The following GTF2A1 variants were observed in gnomAD, a reference collection of about 807,000 sequenced individuals.
The protein encoded by GTF2A1 is transcription initiation factor IIA subunit 1.
In GTF2A1, 12 loss-of-function variants were observed where a neutral mutation model predicts 54.1. That is an observed-to-expected ratio of 0.22 (90% CI 0.14 to 0.36). The LOEUF (loss-of-function observed/expected upper bound fraction) is 0.36. Among genes scored for constraint, GTF2A1 ranks in the 10% least tolerant of loss-of-function variants. The probability of loss-of-function intolerance (pLI) is 1.00; values close to 1 mark genes in which losing one functional copy is unlikely to be tolerated. For missense variants in GTF2A1, 335 were observed against 442.2 expected (o/e 0.76, Z 2.17); for synonymous variants, 145 against 152.0 (o/e 0.95, Z 0.34).
At chr14:81,184,666 A>C (rs961071570) in intron 8 of GTF2A1, among the ~76,000 whole-genome samples, 1 of 152,192 alleles carries the variant, frequency 6.6e-6, no homozygotes, top group Admixed American at 6.5e-5. Context: ...TCTATAAAGG[A>C]AACTTCATGC....
intron 8 of GTF2A1, among the ~76,000 whole-genome samples, chr14:81,180,609 T>A (rs1272024856): frequency 6.6e-6 from 1 of 151,998 alleles, no homozygotes; most frequent in Non-Finnish European, 1.5e-5. Context: ...TAAAAATTGG[T>A]TTCTTAATAA....
At chr14:81,204,329 C>A in intron 2 of GTF2A1, 1 of 669,458 alleles carries the variant, frequency 1.5e-6, no homozygotes, top group East Asian at 2.8e-5. Flanking sequence ...GATTTTGTTT[C>A]TTTTTTTTAT....
chr14:81,190,005 GGGAAAAAAAA>G (rs1892839672), intron 7 of GTF2A1, among the ~76,000 whole-genome samples: 5 of 57,844 alleles, frequency 8.6e-5, no homozygotes, highest in Non-Finnish European at 1.8e-4. Context: ...AGACTGAACA[GGGAAAAAAAA>G]AGATGGCACA....
At chr14:81,197,849 A>C (rs1893023514) in intron 4 of GTF2A1, among the ~76,000 whole-genome samples, 4 of 152,192 alleles carry the variant, frequency 2.6e-5, no homozygotes, top group African/African-American at 9.6e-5. Flanking sequence ...TACCCACATT[A>C]ACAATGCTGT....
intron 7 of GTF2A1, among the ~76,000 whole-genome samples, chr14:81,190,696 T>TA (rs896910510): frequency 1.3e-5 from 2 of 152,096 alleles, no homozygotes; most frequent in African/African-American, 4.8e-5. Flanking sequence ...ACATTAAACT[T>TA]AACAGTGAAG....
Position 81,197,396 on chromosome 14 carries a change from CA to C in GTF2A1, c.478+12del. 7.2e-7 allele frequency: 1 copy of C among 1,387,188 alleles called. No homozygotes were observed. The highest frequency in any genetic ancestry group is 1.2e-5 in the South Asian group (1 of 82,442). The allele number at this position is 1,387,188 out of a possible 1,614,324, so 85.9% of individuals were successfully genotyped here. A position where few individuals can be genotyped will look rare whatever the true frequency, so the allele number is the denominator to read the frequency against. Reference sequence around the variant, plus strand: ...GAATTACATTTTAAAATGGTTCCATCATTCCTAATTACCTGAATTTGTTAAT... The same window carrying C: ...GAATTACATTTTAAAATGGTTCCATCTTCCTAATTACCTGAATTTGTTAAT... On this transcript the variant is annotated intron_variant, in intron 5 of 8. Transcript: ENST00000553612.
At chr14:81,211,875 T>TATATATATATATA (rs1419902730) in intron 2 of GTF2A1, among the ~76,000 whole-genome samples, 1,291 of 68,318 alleles carry the variant, frequency 0.019, 67 homozygotes, top group Non-Finnish European at 0.025. Context: ...ATCAAGTACT[T>TATATATATATATA]TATATATATA....
intron 2 of GTF2A1, among the ~76,000 whole-genome samples, chr14:81,206,368 T>G (rs945023763): frequency 1.3e-5 from 2 of 152,174 alleles, no homozygotes. Flanking sequence ...ACAGTAGTAA[T>G]GTAGTGACTC....
rs931722519 is a variant in GTF2A1, at chr14:81,188,607, T to TA, written c.934-2988dup. On this transcript the variant is annotated intron_variant, in intron 7 of 8. Coordinates refer to ENST00000553612, the MANE Select transcript of GTF2A1 (RefSeq NM_015859.4). ...TAACACAGTGAAACCCCGTCTCTAC[T>TA]AAAAAAAAAAATACAAAAAATTAGC... Among the ~76,000 whole-genome samples, 837 of 144,636 alleles carry TA rather than the reference T, an allele frequency of 5.8e-3. 4 individuals are homozygous for TA. Among genetic ancestry groups the TA allele is most frequent in the African/African-American group, 0.019 (735 of 39,572 alleles). The allele number at this position is 144,636 out of a possible 152,430, so 94.9% of individuals were successfully genotyped here.
intron 7 of GTF2A1, among the ~76,000 whole-genome samples, chr14:81,189,912 T>C (rs1397322443): frequency 1.3e-5 from 2 of 151,888 alleles, no homozygotes; most frequent in African/African-American, 2.4e-5. Flanking sequence ...CAGAAAAGAA[T>C]AGAATGGGAA....
In GTF2A1 at chr14:81,176,926, A is replaced by C. The variant is rs890699737; in HGVS notation, c.*3297T>G. On this transcript the variant is annotated 3_prime_UTR_variant, in exon 9 of 9. Coordinates refer to ENST00000553612, the MANE Select transcript of GTF2A1 (RefSeq NM_015859.4). ...TCATAAAGAGAACTCCCAAGAGGAA[A>C]TTATGTCTGTTTTCCTATACAAGGG... 3 of 152,086 alleles carry C rather than the reference A, an allele frequency of 2.0e-5. No homozygotes were observed. Among genetic ancestry groups the C allele is most frequent in the Admixed American group, 2.0e-4 (3 of 15,264 alleles). 9.4% of individuals were successfully genotyped at this position (152,086 alleles called of 1,614,324 possible).
chr14:81,203,798 C>T (rs1893166278), intron 3 of GTF2A1, 102 bp downstream of exon 3: 6 of 957,456 alleles, frequency 6.3e-6, no homozygotes, highest in South Asian at 4.2e-5. Context: ...TCTCCATGTG[C>T]CCCTTAAAAG....
chr14:81,210,488 A>G (rs369552977), intron 2 of GTF2A1, among the ~76,000 whole-genome samples: 2 of 152,324 alleles, frequency 1.3e-5, no homozygotes, highest in East Asian at 3.9e-4. Context: ...AACATGATGA[A>G]AATAAAATAA....
chr14:81,192,897 C>A lies in GTF2A1; in HGVS notation c.613-58G>T, dbSNP rs1308523072. ...AGTTAAGAGGATCAAGTATGGTACA[C>A]AGAAATAGAAACAAATGCTTAAGAT... On this transcript the variant is annotated intron_variant, in intron 6 of 8. Coordinates refer to ENST00000553612, the MANE Select transcript of GTF2A1 (RefSeq NM_015859.4). 3 of 945,102 alleles carry A rather than the reference C, an allele frequency of 3.2e-6. No individual in the cohort carries two copies. In the African/African-American group the frequency reaches 5.0e-5, roughly 16 times the overall value. 58.5% of individuals were successfully genotyped at this position (945,102 alleles called of 1,614,324 possible).
Position 81,175,537 on chromosome 14 carries a change from TA to T in GTF2A1, c.*4685del, listed in dbSNP as rs1008784012. The T allele has an allele frequency of 1.3e-5, 2 of 152,118 alleles. No homozygotes were observed. Among genetic ancestry groups the T allele is most frequent in the African/African-American group, 2.4e-5 (1 of 41,440 alleles). The allele number at this position is 152,118 out of a possible 1,614,324, so 9.4% of individuals were successfully genotyped here. A position where few individuals can be genotyped will look rare whatever the true frequency, so the allele number is the denominator to read the frequency against. ...TTTTCTAGATAGTCTGTTAACAGGA[TA>T]AAAAAATACAAAAAGGCGAGCTTCT... On this transcript the variant is annotated 3_prime_UTR_variant, in exon 9 of 9. Transcript: ENST00000553612.
Position 81,180,200 on chromosome 14 carries a change from T to C in GTF2A1, c.*23A>G. The stretch of plus-strand genomic sequence containing the variant: ...ACATTTTTTTTAAGTTTCTTTTATT[T>C]ATAAAAGAAAAAAAGCAACTCTTCA... On this transcript the variant is annotated 3_prime_UTR_variant, in exon 9 of 9. Transcript: ENST00000553612. 1 of 910,942 alleles carries C rather than the reference T, an allele frequency of 1.1e-6. No individual in the cohort carries two copies. Among genetic ancestry groups the C allele is most frequent in the Non-Finnish European group, 1.7e-6 (1 of 583,830 alleles). The allele number at this position is 910,942 out of a possible 1,614,324, so 56.4% of individuals were successfully genotyped here.
intron 1 of GTF2A1, among the ~76,000 whole-genome samples, chr14:81,218,664 T>G (rs1893539695): frequency 6.6e-6 from 1 of 152,126 alleles, no homozygotes; most frequent in African/African-American, 2.4e-5. Context: ...GGGCCACTAG[T>G]GGCATTATTA....
In GTF2A1 at chr14:81,203,917, A is replaced by G. The variant is rs1281716549; in HGVS notation, c.320T>C (p.Ile107Thr). ...PQQAQTQQVL[I>T]PASQQATAPQ... is the part of the protein sequence containing the mutation. The stretch of plus-strand genomic sequence containing the variant: ...AGTCTCACCTTGCTGTGATGCAGGA[A>G]TAAGAACCTGCTGGGTCTGCGCTTG... The change falls in exon 3 of 9, where the codon ATT becomes ACT. Residue 107 changes from isoleucine (I) to threonine (T), a missense_variant. Ile to Thr is a moderately conservative substitution (Grantham distance 89, BLOSUM62 -1). Coordinates refer to ENST00000553612, the MANE Select transcript of GTF2A1 (RefSeq NM_015859.4). 5 of 1,613,600 alleles carry G rather than the reference A, an allele frequency of 3.1e-6. No homozygotes were observed. The highest frequency in any genetic ancestry group is 3.4e-6 in the Non-Finnish European group (4 of 1,179,468).
chr14:81,213,849 T>C (rs989174966), intron 2 of GTF2A1, among the ~76,000 whole-genome samples: 2 of 151,252 alleles, frequency 1.3e-5, no homozygotes, highest in Admixed American at 6.6e-5. Flanking sequence ...TTTTTCTGTT[T>C]TTTTTTTTTT....
Sources: gnomAD v4.1 joint callset for allele counts (sites outside exome capture counted in the v4.1 genomes callset) on GRCh38, gnomAD v4.1.1 for gene constraint, MANE v1.5 for transcripts, NCBI Gene and HGNC (gene_info 2026-07-23, HGNC 2026-07-21) for gene names.